LDB2: variants seen among roughly 807,000 people sequenced by gnomAD.
The protein encoded by LDB2 is LIM domain binding 2.
A neutral mutation model predicts 44.3 loss-of-function variants in LDB2; 12 were observed. The observed-to-expected ratio is 0.27, with a 90% CI of 0.17 to 0.44. The LOEUF (loss-of-function observed/expected upper bound fraction) is 0.44. LDB2 is among the 20% of genes least tolerant of loss of function. LDB2 has a pLI of 1.00. For missense variants in LDB2, 344 were observed against 473.5 expected (o/e 0.73, Z 2.54); for synonymous variants, 164 against 174.8 (o/e 0.94, Z 0.49).
chr4:16,520,207 G>T (rs531841117), intron 5 of LDB2, among the ~76,000 whole-genome samples: 1 of 151,902 alleles, frequency 6.6e-6, no homozygotes, highest in Non-Finnish European at 1.5e-5. Context: ...TGATGGGGGT[G>T]GGGGGAGATT....
rs948334368 is a variant in LDB2, at chr4:16,723,129, G to C, written c.235+36029C>G. 2.1e-4 allele frequency among the ~76,000 whole-genome samples: 32 copies of C among 152,160 alleles called. 1 individual carries two copies. The highest frequency in any genetic ancestry group is 4.0e-4 in the Non-Finnish European group (27 of 68,022). On this transcript the variant is annotated intron_variant, in intron 2 of 7. Coordinates refer to ENST00000304523, the MANE Select transcript of LDB2 (RefSeq NM_001290.5). The stretch of plus-strand genomic sequence containing the variant: ...CACAGAAGGTAAGACACTTCCTAAT[G>C]ATGACAAAGTTTTTGAGAAAGAATG...
intron 2 of LDB2, among the ~76,000 whole-genome samples, chr4:16,713,430 C>T (rs1257358815): frequency 6.6e-6 from 1 of 151,782 alleles, no homozygotes; most frequent in Admixed American, 6.6e-5. Context: ...CAATAGGAAG[C>T]AGCATCAGCA....
At chr4:16,654,284 CCT>C (rs1236920348) in intron 2 of LDB2, among the ~76,000 whole-genome samples, 1 of 151,988 alleles carries the variant, frequency 6.6e-6, no homozygotes, top group Non-Finnish European at 1.5e-5. Context: ...CCTCCAAATC[CCT>C]GTTTTGTCTG....
intron 5 of LDB2, among the ~76,000 whole-genome samples, chr4:16,567,011 G>A (rs1229315316): frequency 6.6e-6 from 1 of 152,152 alleles, no homozygotes; most frequent in Non-Finnish European, 1.5e-5. Flanking sequence ...TGGGAAAATA[G>A]TCATTTTCAT....
chr4:16,597,175 A>G (rs1365724860), intron 2 of LDB2, among the ~76,000 whole-genome samples: 1 of 152,190 alleles, frequency 6.6e-6, no homozygotes, highest in East Asian at 1.9e-4. Flanking sequence ...AGTATAAAGA[A>G]AATACCCTGC....
intron 5 of LDB2, among the ~76,000 whole-genome samples, chr4:16,526,862 T>C (rs1175823312): frequency 6.6e-6 from 1 of 152,222 alleles, no homozygotes; most frequent in Admixed American, 6.5e-5. Flanking sequence ...AGATCAATTA[T>C]GTTGTTCCCA....
At chr4:16,658,211 T>C (rs1257892110) in intron 2 of LDB2, among the ~76,000 whole-genome samples, 2 of 152,186 alleles carry the variant, frequency 1.3e-5, no homozygotes, top group Non-Finnish European at 2.9e-5. Flanking sequence ...CTGTATCTTA[T>C]TAAGTTTTCT....
chr4:16,804,891 C>G (rs1778488832), intron 1 of LDB2, among the ~76,000 whole-genome samples: 1 of 152,098 alleles, frequency 6.6e-6, no homozygotes, highest in Non-Finnish European at 1.5e-5. Flanking sequence ...TTGGCTTAAG[C>G]AAAAGAAATT....
chr4:16,879,040 CCTTA>C (rs140338601), intron 1 of LDB2, among the ~76,000 whole-genome samples: 129 of 152,278 alleles, frequency 8.5e-4, no homozygotes, highest in African/African-American at 3.0e-3. Context: ...TGTACAGCCC[CCTTA>C]CTTGATTGTA....
chr4:16,561,640 T>C lies in LDB2; in HGVS notation c.615+24282A>G, dbSNP rs375707344. On this transcript the variant is annotated intron_variant, in intron 5 of 7. Transcript: ENST00000304523. ...ATCAATATCCTGAAAATGGCCATACTGCCCAAGGTAGTTTATAGATTCAAT... is the reference window on the plus strand; with the variant it reads ...ATCAATATCCTGAAAATGGCCATACCGCCCAAGGTAGTTTATAGATTCAAT... 1.7e-3 allele frequency among the ~76,000 whole-genome samples: 252 copies of C among 152,300 alleles called. 4 individuals are homozygous for C. The South Asian group carries it at 0.05, about 30-fold the overall frequency.
chr4:16,537,198 T>C (rs1397566341), intron 5 of LDB2, among the ~76,000 whole-genome samples: 1 of 152,196 alleles, frequency 6.6e-6, no homozygotes, highest in Non-Finnish European at 1.5e-5. Flanking sequence ...CTAAAACCCT[T>C]TTATTCTTTG....
At chr4:16,882,121 C>G (rs1372685354) in intron 1 of LDB2, among the ~76,000 whole-genome samples, 2 of 152,346 alleles carry the variant, frequency 1.3e-5, no homozygotes, top group African/African-American at 2.4e-5. Context: ...CTCTCAACAG[C>G]TCACTCTTGG....
At chr4:16,770,582 G>A (rs1223281067) in intron 1 of LDB2, among the ~76,000 whole-genome samples, 5 of 152,236 alleles carry the variant, frequency 3.3e-5, no homozygotes, top group Non-Finnish European at 5.9e-5. Context: ...GTTAAGAAAT[G>A]TACCCAAGGT....
chr4:16,823,179 C>A (rs1782431263), intron 1 of LDB2, among the ~76,000 whole-genome samples: 1 of 152,224 alleles, frequency 6.6e-6, no homozygotes, highest in African/African-American at 2.4e-5. Flanking sequence ...TGATTCACAA[C>A]AGGCAGTCAA....
At chr4:16,780,148 A>C (rs1376004292) in intron 1 of LDB2, among the ~76,000 whole-genome samples, 1 of 152,224 alleles carries the variant, frequency 6.6e-6, no homozygotes, top group Non-Finnish European at 1.5e-5. Context: ...AAACCAAAAA[A>C]ATTATTACTA....
In LDB2 at chr4:16,859,938, TAG is replaced by T. The variant is rs1258129448; in HGVS notation, c.132+38414_132+38415del. 4.9e-4 allele frequency among the ~76,000 whole-genome samples: 74 copies of T among 152,308 alleles called. 1 individual carries two copies. Among genetic ancestry groups the T allele is most frequent in the Non-Finnish European group, 4.4e-5 (3 of 68,028 alleles). ...TTCAAGTCGTTAATCTTCTCCAATT[TAG>T]AGACAAGTACTATTATTACTCCTGT... On this transcript the variant is annotated intron_variant, in intron 1 of 7. Coordinates refer to ENST00000304523, the MANE Select transcript of LDB2 (RefSeq NM_001290.5).
At chr4:16,691,241 T>C (rs1750709906) in intron 2 of LDB2, among the ~76,000 whole-genome samples, 1 of 152,158 alleles carries the variant, frequency 6.6e-6, no homozygotes, top group Non-Finnish European at 1.5e-5. Flanking sequence ...GCTACCTCTT[T>C]TATGTGAAAA....
intron 1 of LDB2, among the ~76,000 whole-genome samples, chr4:16,866,501 C>T (rs1397909704): frequency 6.6e-6 from 1 of 152,098 alleles, no homozygotes; most frequent in Non-Finnish European, 1.5e-5. Flanking sequence ...TGGTCTAATA[C>T]CCTCAATTGC....
chr4:16,672,748 AT>A (rs1210573818), intron 2 of LDB2, among the ~76,000 whole-genome samples: 1 of 152,052 alleles, frequency 6.6e-6, no homozygotes, highest in African/African-American at 2.4e-5. Context: ...AACAATAGCA[AT>A]CCTCTTTCCC....
Sources: allele counts gnomAD v4.1 joint callset (sites outside exome capture counted in the v4.1 genomes callset), GRCh38; gene constraint gnomAD v4.1.1; transcripts MANE v1.5; gene names NCBI Gene and HGNC (gene_info 2026-07-23, HGNC 2026-07-21).